Variants in PCDH9 observed in about 807,000 individuals in gnomAD.
The protein encoded by PCDH9 is protocadherin 9.
Under a neutral mutation model 70.6 loss-of-function variants are expected in PCDH9, and 24 were observed. The observed-to-expected ratio is 0.34, with a 90% CI of 0.25 to 0.48. The LOEUF is 0.48. Among genes scored for constraint, PCDH9 ranks in the 20% least tolerant of loss-of-function variants. The pLI, the probability that PCDH9 is intolerant of heterozygous loss-of-function variation, is 0.99. For missense variants in PCDH9, 1,281 were observed against 1,503.6 expected (o/e 0.85, Z 2.45); for synonymous variants, 562 against 558.5 (o/e 1.01, Z -0.09).
rs564906045 is a variant in PCDH9, at chr13:67,144,065, G to T, written c.3036+81340C>A. ...AGAAATTCCCTTTAGTCCAAGGAAG[G>T]CAAAAAGGTATATTTGGAGAGCTTT... is the stretch of plus-strand genomic sequence containing the variant. On this transcript the variant is annotated intron_variant, in intron 2 of 4. Coordinates refer to ENST00000377865, the MANE Select transcript of PCDH9 (RefSeq NM_203487.3). Among the ~76,000 whole-genome samples the T allele has an allele frequency of 2.6e-5, 4 of 152,098 alleles. No homozygotes were observed. In the East Asian group the frequency reaches 7.7e-4, roughly 29 times the overall value.
intron 2 of PCDH9, among the ~76,000 whole-genome samples, chr13:67,005,438 A>G (rs1369605105): frequency 3.9e-5 from 6 of 152,314 alleles, no homozygotes; most frequent in Non-Finnish European, 5.9e-5. Context: ...TTCAGATAAT[A>G]CTTATTACTT....
At chr13:67,174,963 C>CA (rs376755966) in intron 2 of PCDH9, among the ~76,000 whole-genome samples, 1,492 of 127,294 alleles carry the variant, frequency 0.012, 23 homozygotes, top group African/African-American at 0.043. Flanking sequence ...TCATCTCTAC[C>CA]AAAAAAAAAA....
chr13:67,069,160 A>C (rs1216342309), intron 2 of PCDH9, among the ~76,000 whole-genome samples: 1 of 152,164 alleles, frequency 6.6e-6, no homozygotes, highest in African/African-American at 2.4e-5. Context: ...TTTAACTTAA[A>C]TTTTCATAAA....
intron 4 of PCDH9, among the ~76,000 whole-genome samples, chr13:66,439,806 T>C (rs192905481): frequency 2.2e-4 from 33 of 152,300 alleles, no homozygotes; most frequent in Admixed American, 1.8e-3. Context: ...TCTTGAGTTG[T>C]CCATGGTTTC....
intron 3 of PCDH9, among the ~76,000 whole-genome samples, chr13:66,842,761 T>C (rs1210200647): frequency 6.6e-6 from 1 of 152,166 alleles, no homozygotes; most frequent in Non-Finnish European, 1.5e-5. Context: ...GAATTCAATA[T>C]TATAAAACTA....
At chr13:66,492,399 TAC>T (rs1187906926) in intron 4 of PCDH9, among the ~76,000 whole-genome samples, 1 of 149,454 alleles carries the variant, frequency 6.7e-6, no homozygotes, top group African/African-American at 2.4e-5. Flanking sequence ...ATTAAATAGG[TAC>T]ACACACACAC....
At chr13:66,510,606 C>G (rs911512331) in intron 4 of PCDH9, among the ~76,000 whole-genome samples, 4 of 152,000 alleles carry the variant, frequency 2.6e-5, no homozygotes, top group African/African-American at 7.3e-5. Flanking sequence ...TGAGAACATG[C>G]GGTGTTTGGT....
At chr13:66,489,594 G>A (rs1288888530) in intron 4 of PCDH9, among the ~76,000 whole-genome samples, 5 of 152,146 alleles carry the variant, frequency 3.3e-5, no homozygotes, top group Non-Finnish European at 7.4e-5. Context: ...TTACAGGCAT[G>A]AGCCACCTTA....
At chr13:67,079,245 T>C (rs2085937738) in intron 2 of PCDH9, among the ~76,000 whole-genome samples, 1 of 152,034 alleles carries the variant, frequency 6.6e-6, no homozygotes, top group African/African-American at 2.4e-5. Flanking sequence ...AGGATACATT[T>C]CAGCACATAA....
At chr13:67,165,561 G>A (rs959475484) in intron 2 of PCDH9, among the ~76,000 whole-genome samples, 1 of 152,052 alleles carries the variant, frequency 6.6e-6, no homozygotes, top group Non-Finnish European at 1.5e-5. Context: ...TGGCAGAACT[G>A]AGATTGAATC....
chr13:66,441,686 T>C (rs9529067), intron 4 of PCDH9, among the ~76,000 whole-genome samples: 60,000 of 151,736 alleles, frequency 0.4, 12,558 homozygotes, highest in South Asian at 0.53. Context: ...TAAGCTGGGA[T>C]TTTTATATTT....
intron 3 of PCDH9, among the ~76,000 whole-genome samples, chr13:66,790,221 T>G (rs566023835): frequency 6.6e-6 from 1 of 152,290 alleles, no homozygotes; most frequent in African/African-American, 2.4e-5. Flanking sequence ...CATTATTTTA[T>G]ATAGTTGTAA....
intron 2 of PCDH9, among the ~76,000 whole-genome samples, chr13:66,929,019 A>G (rs996362170): frequency 6.6e-6 from 1 of 152,178 alleles, no homozygotes; most frequent in Non-Finnish European, 1.5e-5. Context: ...ACTTTGATAG[A>G]GAATGCATAT....
At chr13:66,737,626 C>A (rs569480463) in intron 3 of PCDH9, among the ~76,000 whole-genome samples, 11 of 152,178 alleles carry the variant, frequency 7.2e-5, no homozygotes, top group Non-Finnish European at 1.3e-4. Flanking sequence ...TGGGCGCAGG[C>A]CAGTGGGTGC....
intron 2 of PCDH9, chr13:67,203,510 T>C (rs1332724332): frequency 1.3e-5 from 2 of 152,042 alleles, no homozygotes; most frequent in Non-Finnish European, 2.9e-5. Context: ...TTAAAAAATA[T>C]TGTAATTTAC....
chr13:67,013,439 A>G (rs1424936501), intron 2 of PCDH9, among the ~76,000 whole-genome samples: 1 of 151,958 alleles, frequency 6.6e-6, no homozygotes, highest in Admixed American at 6.6e-5. Context: ...CTGGATGTAG[A>G]TTTATTTAAC....
At chr13:66,898,879 A>T (rs1334535292) in intron 3 of PCDH9, among the ~76,000 whole-genome samples, 2 of 151,976 alleles carry the variant, frequency 1.3e-5, no homozygotes, top group Non-Finnish European at 2.9e-5. Context: ...TCTAGCTATC[A>T]GTGTGTCCTT....
chr13:67,108,138 G>A (rs2086584806), intron 2 of PCDH9, among the ~76,000 whole-genome samples: 1 of 152,174 alleles, frequency 6.6e-6, no homozygotes, highest in South Asian at 2.1e-4. Context: ...CTCACCCTTG[G>A]CAGCTGTGGA....
chr13:66,887,056 C>T (rs1268518546), intron 3 of PCDH9, among the ~76,000 whole-genome samples: 3 of 151,162 alleles, frequency 2.0e-5, no homozygotes, highest in Non-Finnish European at 4.4e-5. Flanking sequence ...CACACACACA[C>T]ACACACACAC....
Sources: gnomAD v4.1 joint callset for allele counts (sites outside exome capture counted in the v4.1 genomes callset) on GRCh38, gnomAD v4.1.1 for gene constraint, MANE v1.5 for transcripts, NCBI Gene and HGNC (gene_info 2026-07-23, HGNC 2026-07-21) for gene names.